Variants in FOXO1 observed in about 807,000 individuals in gnomAD.
FOXO1 encodes the protein forkhead box protein O1.
FOXO1 carries 6 observed loss-of-function variants against 44.1 expected under a neutral mutation model. That is an observed-to-expected ratio of 0.14 (90% CI 0.07 to 0.27). The LOEUF is 0.27. Ranked by LOEUF, FOXO1 falls within the 10% of genes least tolerant of loss-of-function variation. The probability of loss-of-function intolerance (pLI) is 1.00; values close to 1 mark genes in which losing one functional copy is unlikely to be tolerated. For synonymous variants in FOXO1, 380 were observed against 362.7 expected, an observed-to-expected ratio of 1.05 and a Z score of -0.54; for missense variants, 737 against 888.8, an observed-to-expected ratio of 0.83 and a Z score of 2.17.
intron 1 of FOXO1, among the ~76,000 whole-genome samples, chr13:40,583,235 G>A (rs2701869): frequency 0.38 from 58,459 of 151,982 alleles, 12,037 homozygotes; most frequent in East Asian, 0.73. Flanking sequence ...ATGTGCTGTC[G>A]CTCAGGCTTT....
intron 1 of FOXO1, among the ~76,000 whole-genome samples, chr13:40,608,467 AATAC>A (rs1876103909): frequency 6.6e-6 from 1 of 152,196 alleles, no homozygotes; most frequent in African/African-American, 2.4e-5. Flanking sequence ...GCAAGAAATA[AATAC>A]ATACAGTTGC....
intron 1 of FOXO1, among the ~76,000 whole-genome samples, chr13:40,592,668 G>A (rs907776210): frequency 6.6e-6 from 1 of 152,132 alleles, no homozygotes; most frequent in Non-Finnish European, 1.5e-5. Flanking sequence ...TTGTCTTTCT[G>A]CAATACTTAG....
chr13:40,564,431 T>C (rs903543349), intron 1 of FOXO1, among the ~76,000 whole-genome samples: 1 of 152,218 alleles, frequency 6.6e-6, no homozygotes, highest in Non-Finnish European at 1.5e-5. Flanking sequence ...GGAAAAGGTT[T>C]GCTGTGCAGG....
At chr13:40,618,776 C>A (rs1363841374) in intron 1 of FOXO1, 3 of 506,314 alleles carry the variant, frequency 5.9e-6, no homozygotes, top group African/African-American at 1.9e-5. Flanking sequence ...GTGGTGGTGA[C>A]GAAACCTTAT....
At chr13:40,640,770 G>GTTC (rs1327671307) in intron 1 of FOXO1, among the ~76,000 whole-genome samples, 1 of 118,376 alleles carries the variant, frequency 8.4e-6, no homozygotes, top group Non-Finnish European at 1.7e-5. Flanking sequence ...TGTTGTTGTT[G>GTTC]TTGTTGTTGT....
At chr13:40,665,175 C>T (rs1267960271) in intron 1 of FOXO1, among the ~76,000 whole-genome samples, 1 of 151,914 alleles carries the variant, frequency 6.6e-6, no homozygotes, top group Non-Finnish European at 1.5e-5. Flanking sequence ...CTCCGCGGCG[C>T]GGCCGGAGAG....
rs150021118 is a variant in FOXO1, at chr13:40,663,497, T to C, written c.630+2086A>G. Among the ~76,000 whole-genome samples, 98 of 152,222 alleles carry C rather than the reference T, an allele frequency of 6.4e-4. No homozygotes were observed. The East Asian group carries it at 0.017, about 26-fold the overall frequency. ...ACTAAAGAATGGTGTAAGTACACACTGTACTTTGAATGCAAAAAAAGGGGG... is the reference window on the plus strand; with the variant it reads ...ACTAAAGAATGGTGTAAGTACACACCGTACTTTGAATGCAAAAAAAGGGGG... On this transcript the variant is annotated intron_variant, in intron 1 of 2. Coordinates refer to ENST00000379561, the MANE Select transcript of FOXO1 (RefSeq NM_002015.4).
chr13:40,570,759 C>A (rs764807124), intron 1 of FOXO1, among the ~76,000 whole-genome samples: 21 of 152,216 alleles, frequency 1.4e-4, no homozygotes, highest in Admixed American at 3.3e-4. Flanking sequence ...AAAGGAAGGG[C>A]AAAGCCCTTT....
At chr13:40,575,694 T>C (rs1438638540) in intron 1 of FOXO1, among the ~76,000 whole-genome samples, 1 of 152,246 alleles carries the variant, frequency 6.6e-6, no homozygotes, top group African/African-American at 2.4e-5. Flanking sequence ...AATTATTTAC[T>C]AAGCCCCTAC....
intron 1 of FOXO1, among the ~76,000 whole-genome samples, chr13:40,609,553 T>C (rs1876149996): frequency 6.6e-6 from 1 of 152,198 alleles, no homozygotes; most frequent in African/African-American, 2.4e-5. Flanking sequence ...GGCTAATTTC[T>C]TCAATTCTGG....
intron 1 of FOXO1, among the ~76,000 whole-genome samples, chr13:40,661,987 T>C (rs1228607440): frequency 6.6e-6 from 1 of 151,362 alleles, no homozygotes; most frequent in African/African-American, 2.4e-5. Context: ...GCCAAGCCAA[T>C]ATGTGAAACC....
chr13:40,632,265 C>T (rs1454086841), intron 1 of FOXO1, among the ~76,000 whole-genome samples: 1 of 151,956 alleles, frequency 6.6e-6, no homozygotes, highest in Admixed American at 6.6e-5. Context: ...AGCGAGACTC[C>T]GTCTCAAAAA....
At position 40,571,638 on chromosome 13, in the gene FOXO1, G is replaced by A. The variant is rs372856075; in HGVS notation, c.631-10778C>T. 7.2e-5 allele frequency among the ~76,000 whole-genome samples: 11 copies of A among 152,318 alleles called. No homozygotes were observed. The East Asian group carries it at 1.7e-3, about 24-fold the overall frequency. On this transcript the variant is annotated intron_variant, in intron 1 of 2. Transcript: ENST00000379561. ...CTGAATTAACTACTGGAATACCCATGCTTTTTGCTGCTTCCGCCTAATGGC... is the reference window on the plus strand; with the variant it reads ...CTGAATTAACTACTGGAATACCCATACTTTTTGCTGCTTCCGCCTAATGGC...
At chr13:40,588,785 G>A (rs1875265813) in intron 1 of FOXO1, among the ~76,000 whole-genome samples, 1 of 150,102 alleles carries the variant, frequency 6.7e-6, no homozygotes, top group South Asian at 2.2e-4. Context: ...AACATAAAAA[G>A]AGTCAAGGAC....
chr13:40,638,347 A>T (rs2137920040), intron 1 of FOXO1, among the ~76,000 whole-genome samples: 1 of 152,316 alleles, frequency 6.6e-6, no homozygotes, highest in Admixed American at 6.5e-5. Flanking sequence ...GAAGTGATGT[A>T]AGGAAGACAT....
intron 1 of FOXO1, among the ~76,000 whole-genome samples, chr13:40,625,658 TAAA>T (rs35880404): frequency 0.01 from 1,472 of 146,988 alleles, 30 homozygotes; most frequent in African/African-American, 0.034. Flanking sequence ...GCTTTCACTT[TAAA>T]AAAAAAAAAA....
intron 1 of FOXO1, among the ~76,000 whole-genome samples, chr13:40,588,458 C>T (rs1313330814): frequency 6.6e-6 from 1 of 152,180 alleles, no homozygotes; most frequent in Non-Finnish European, 1.5e-5. Context: ...ATAACCATCA[C>T]TAACAGAAGC....
At chr13:40,623,059 A>G (rs1876668195) in intron 1 of FOXO1, among the ~76,000 whole-genome samples, 2 of 152,222 alleles carry the variant, frequency 1.3e-5, no homozygotes, top group African/African-American at 4.8e-5. Flanking sequence ...GTACTATTAA[A>G]TCAAAACAAA....
intron 1 of FOXO1, among the ~76,000 whole-genome samples, chr13:40,611,884 G>A (rs761752005): frequency 3.3e-4 from 50 of 152,052 alleles, no homozygotes; most frequent in Non-Finnish European, 6.6e-4. Context: ...ACTACCCTGG[G>A]CAACATGGCA....
Sources: gnomAD v4.1 joint callset for allele counts (sites outside exome capture counted in the v4.1 genomes callset) on GRCh38, gnomAD v4.1.1 for gene constraint, MANE v1.5 for transcripts, NCBI Gene and HGNC (gene_info 2026-07-23, HGNC 2026-07-21) for gene names.